Variants in PCDHA5 observed in about 807,000 individuals in gnomAD.
PCDHA5 encodes protocadherin alpha 5.
A neutral mutation model predicts 61.6 loss-of-function variants in PCDHA5; 43 were observed. That is an observed-to-expected ratio of 0.70 (90% CI 0.55 to 0.90). The LOEUF is 0.90. Ranked by LOEUF, PCDHA5 falls within the 40% of genes least tolerant of loss-of-function variation. PCDHA5 has a pLI of 0.00. For synonymous variants in PCDHA5, 627 were observed against 543.9 expected (o/e 1.15, Z -2.13); for missense variants, 1,298 against 1,222.7 (o/e 1.06, Z -0.92).
chr5:141,007,678 A>T (rs1472767852), intron 3 of PCDHA5, among the ~76,000 whole-genome samples: 1 of 152,236 alleles, frequency 6.6e-6, no homozygotes, highest in Non-Finnish European at 1.5e-5. Context: ...GACAAAAGTT[A>T]TCCTACTTCC....
chr5:140,988,871 A>T (rs1319139244), intron 3 of PCDHA5: 1 of 152,208 alleles, frequency 6.6e-6, no homozygotes, highest in Non-Finnish European at 1.5e-5. Context: ...GTGCACTCAG[A>T]TGTACGATCC....
intron 1 of PCDHA5, among the ~76,000 whole-genome samples, chr5:140,949,007 A>T (rs1300926078): frequency 6.6e-6 from 1 of 151,692 alleles, no homozygotes; most frequent in Non-Finnish European, 1.5e-5. Flanking sequence ...TAATTTTTAT[A>T]TGTGATGTTT....
At chr5:140,843,797 TC>T (rs2150366805) in intron 1 of PCDHA5, 1 of 1,359,254 alleles carries the variant, frequency 7.4e-7, no homozygotes, top group South Asian at 1.4e-5. Flanking sequence ...ATTTAGTTTT[TC>T]ACCGTATTTT....
chr5:140,870,708 C>T (rs781841032), intron 1 of PCDHA5: 4 of 1,612,898 alleles, frequency 2.5e-6, no homozygotes, highest in Admixed American at 1.7e-5. Context: ...TCCAGGTGAG[C>T]GCGCGCGATG....
intron 1 of PCDHA5, among the ~76,000 whole-genome samples, chr5:140,838,613 A>AT (rs1775803010): frequency 2.0e-5 from 3 of 152,150 alleles, no homozygotes; most frequent in Non-Finnish European, 4.4e-5. Flanking sequence ...ACTTTTAAAA[A>AT]TTTTTTACAA....
chr5:140,922,883 T>G (rs963654982), intron 1 of PCDHA5, among the ~76,000 whole-genome samples: 2 of 152,134 alleles, frequency 1.3e-5, no homozygotes, highest in African/African-American at 2.4e-5. Flanking sequence ...TCCAAAGACA[T>G]CATTCAAGAA....
intron 1 of PCDHA5, chr5:140,829,433 A>T: frequency 6.2e-7 from 1 of 1,614,022 alleles, no homozygotes; most frequent in Non-Finnish European, 8.5e-7. Context: ...GGTGGCCGAC[A>T]TGAATGACAA....
intron 1 of PCDHA5, among the ~76,000 whole-genome samples, chr5:140,919,029 A>C (rs1474107507): frequency 6.6e-6 from 1 of 152,126 alleles, no homozygotes; most frequent in Non-Finnish European, 1.5e-5. Flanking sequence ...TCTTCTGCCT[A>C]GTTGTTGTCC....
At chr5:140,984,339 A>G (rs956761683) in intron 3 of PCDHA5, among the ~76,000 whole-genome samples, 2 of 152,246 alleles carry the variant, frequency 1.3e-5, no homozygotes, top group Non-Finnish European at 2.9e-5. Context: ...AATAGGAACC[A>G]TGTATTGATA....
At position 140,926,851 on chromosome 5, in the gene PCDHA5, T is replaced by C. The variant is rs201136210; in HGVS notation, c.2353-52098T>C. 6.6e-6 allele frequency: 10 copies of C among 1,517,220 alleles called. No individual in the cohort carries two copies. In the Admixed American group the frequency reaches 6.6e-5, roughly 10 times the overall value. The allele number at this position is 1,517,220 out of a possible 1,614,324, so 94.0% of individuals were successfully genotyped here. ...TCCGGAGCATGGTCCTGGGTCACCGTTGGTGTAGCGTGTTGGTGGAACGTG... is the reference window on the plus strand; with the variant it reads ...TCCGGAGCATGGTCCTGGGTCACCGCTGGTGTAGCGTGTTGGTGGAACGTG... On this transcript the variant is annotated intron_variant, in intron 1 of 3. Coordinates refer to ENST00000529859, the MANE Select transcript of PCDHA5 (RefSeq NM_018908.3).
At chr5:140,907,927 T>C (rs970960629) in intron 1 of PCDHA5, among the ~76,000 whole-genome samples, 14 of 152,220 alleles carry the variant, frequency 9.2e-5, no homozygotes, top group Admixed American at 9.2e-4. Flanking sequence ...GAGAGGTCCA[T>C]TCACATACCT....
At chr5:140,883,907 A>G (rs2059882679) in intron 1 of PCDHA5, 1 of 1,613,358 alleles carries the variant, frequency 6.2e-7, no homozygotes, top group African/African-American at 1.3e-5. Context: ...GCCTCTGGGC[A>G]GCAACGTGAC....
At chr5:140,842,859 A>G in intron 1 of PCDHA5, 1 of 1,593,988 alleles carries the variant, frequency 6.3e-7, no homozygotes, top group Admixed American at 1.7e-5. Context: ...GTGCACACGG[A>G]GAGCGGCAAG....
chr5:140,941,256 T>TTTC (rs2092982969), intron 1 of PCDHA5, among the ~76,000 whole-genome samples: 1 of 45,974 alleles, frequency 2.2e-5, no homozygotes, highest in African/African-American at 7.5e-5. Flanking sequence ...TCTTTCTTTC[T>TTTC]CTTTCTTTCT....
intron 1 of PCDHA5, among the ~76,000 whole-genome samples, chr5:140,888,214 G>T (rs2061741689): frequency 6.6e-6 from 1 of 152,130 alleles, no homozygotes; most frequent in African/African-American, 2.4e-5. Context: ...TGGATTTTGT[G>T]TGTGTGTGCA....
intron 1 of PCDHA5, among the ~76,000 whole-genome samples, chr5:140,888,153 G>A (rs2061714988): frequency 6.6e-6 from 1 of 152,056 alleles, no homozygotes; most frequent in African/African-American, 2.4e-5. Context: ...TTGCATGACT[G>A]GTAATCTCTA....
rs995118768 is a variant in PCDHA5 at position 140,943,957 on chromosome 5, T to G, written c.2353-34992T>G. Among the ~76,000 whole-genome samples the G allele has an allele frequency of 2.6e-5, 4 of 152,224 alleles. No individual in the cohort carries two copies. The South Asian group carries it at 8.3e-4, about 32-fold the overall frequency. On this transcript the variant is annotated intron_variant, in intron 1 of 3. Coordinates refer to ENST00000529859, the MANE Select transcript of PCDHA5 (RefSeq NM_018908.3). ...TGTGGTTATAGGAGAAGCAGTGAAT[T>G]AAAGAGTTAAAGTAATTAAGAAAAC... is the stretch of plus-strand genomic sequence containing the variant.
chr5:140,993,631 G>C (rs1466996708), intron 3 of PCDHA5, among the ~76,000 whole-genome samples: 1 of 152,046 alleles, frequency 6.6e-6, no homozygotes, highest in African/African-American at 2.4e-5. Context: ...ATATATAGTC[G>C]TGTACCAAAT....
At chr5:140,876,577 A>T in intron 1 of PCDHA5, 2 of 1,614,182 alleles carry the variant, frequency 1.2e-6, no homozygotes, top group Non-Finnish European at 1.7e-6. Flanking sequence ...GGGTACCGTC[A>T]TTGCCCTGAT....
Sources: gnomAD v4.1 joint callset for allele counts (sites outside exome capture counted in the v4.1 genomes callset) on GRCh38, gnomAD v4.1.1 for gene constraint, MANE v1.5 for transcripts, NCBI Gene and HGNC (gene_info 2026-07-23, HGNC 2026-07-21) for gene names.